CYFIP2: variants seen among roughly 807,000 people sequenced by gnomAD.
The protein encoded by CYFIP2 is cytoplasmic FMR1-interacting protein 2.
CYFIP2 carries 29 observed loss-of-function variants against 158.7 expected under a neutral mutation model. The ratio of observed to expected loss-of-function variants is 0.18; its 90% CI spans 0.14 to 0.25. CYFIP2 has a LOEUF of 0.25. Ranked by LOEUF, CYFIP2 falls within the 10% of genes least tolerant of loss-of-function variation. The pLI is 1.00. For synonymous variants in CYFIP2, 585 were observed against 617.6 expected, an observed-to-expected ratio of 0.95 and a Z score of 0.78; for missense variants, 852 against 1,639.5, an observed-to-expected ratio of 0.52 and a Z score of 8.29.
chr5:157,267,998 G>A (rs1293564502), intron 1 of CYFIP2, among the ~76,000 whole-genome samples: 1 of 152,236 alleles, frequency 6.6e-6, no homozygotes, highest in East Asian at 1.9e-4. Flanking sequence ...TCACCAGAAG[G>A]CATTTTTTGA....
At chr5:157,312,010 C>T (rs942930266) in intron 11 of CYFIP2, among the ~76,000 whole-genome samples, 2 of 152,194 alleles carry the variant, frequency 1.3e-5, no homozygotes, top group Admixed American at 1.3e-4. Flanking sequence ...TCAATTTCCT[C>T]ATCTGTGAAA....
At chr5:157,305,267 C>T (rs1378789245) in intron 8 of CYFIP2, among the ~76,000 whole-genome samples, 4 of 152,144 alleles carry the variant, frequency 2.6e-5, no homozygotes, top group Admixed American at 6.5e-5. Flanking sequence ...GGTAGACACC[C>T]GGTAGTAGGA....
intron 2 of CYFIP2, 62 bp downstream of exon 2, chr5:157,285,540 T>C (rs78461959): frequency 0.019 from 28,089 of 1,460,024 alleles, 337 homozygotes; most frequent in Non-Finnish European, 0.024. Context: ...CTAAGAGAGT[T>C]TGCCCTAAGG....
intron 21 of CYFIP2, among the ~76,000 whole-genome samples, chr5:157,338,669 A>G (rs1762029967): frequency 6.6e-6 from 1 of 152,266 alleles, no homozygotes. Flanking sequence ...TCAACCTAAT[A>G]GTAAACCCTT....
chr5:157,293,009 G>GATAT (rs869268205), intron 3 of CYFIP2, among the ~76,000 whole-genome samples: 1 of 144,590 alleles, frequency 6.9e-6, no homozygotes. Flanking sequence ...TTTGAGCCCA[G>GATAT]ATATGTATGT....
At chr5:157,370,555 G>A (rs1393082336) in intron 26 of CYFIP2, among the ~76,000 whole-genome samples, 1 of 152,166 alleles carries the variant, frequency 6.6e-6, no homozygotes, top group African/African-American at 2.4e-5. Flanking sequence ...TAAATATTAG[G>A]TGCTAACATG....
At chr5:157,378,740 C>A (rs541198641) in intron 26 of CYFIP2, among the ~76,000 whole-genome samples, 1 of 152,248 alleles carries the variant, frequency 6.6e-6, no homozygotes, top group South Asian at 2.1e-4. Flanking sequence ...TGTCCAGAAG[C>A]ATAAAGCAGG....
At chr5:157,283,642 G>C (rs1383334638) in intron 1 of CYFIP2, among the ~76,000 whole-genome samples, 6 of 152,166 alleles carry the variant, frequency 3.9e-5, no homozygotes, top group African/African-American at 1.4e-4. Flanking sequence ...AGCATTTGCT[G>C]TTGTCATGGT....
At chr5:157,332,124 T>C (rs561459785) in intron 20 of CYFIP2, among the ~76,000 whole-genome samples, 1 of 152,234 alleles carries the variant, frequency 6.6e-6, no homozygotes, top group South Asian at 2.1e-4. Context: ...AGGGCTAAAT[T>C]TGGGATGTCA....
intron 3 of CYFIP2, among the ~76,000 whole-genome samples, chr5:157,291,132 A>G (rs1757785692): frequency 6.6e-6 from 1 of 152,216 alleles, no homozygotes; most frequent in Non-Finnish European, 1.5e-5. Context: ...GTTTAAAAAC[A>G]CCAGTGCCCC....
rs1389892724 is a variant in CYFIP2 at position 157,298,652 on chromosome 5, C to G, written c.387+1878C>G. Reference sequence around the variant, plus strand: ...TGAGCCACCACACCCGGCCCACAATCAATTTTAGAACATCTTCATTACCCC... The same window carrying G: ...TGAGCCACCACACCCGGCCCACAATGAATTTTAGAACATCTTCATTACCCC... On this transcript the variant is annotated intron_variant, in intron 5 of 30. Coordinates refer to ENST00000620254, the MANE Select transcript of CYFIP2 (RefSeq NM_001037333.3). Among the ~76,000 whole-genome samples, 4 of 151,980 alleles carry G rather than the reference C, an allele frequency of 2.6e-5. No homozygotes were observed. In the East Asian group the frequency reaches 7.7e-4, roughly 29 times the overall value.
intron 28 of CYFIP2, among the ~76,000 whole-genome samples, chr5:157,383,949 C>G (rs1449843901): frequency 2.0e-5 from 3 of 152,138 alleles, no homozygotes; most frequent in African/African-American, 7.2e-5. Context: ...CACTACAGTT[C>G]ATGCAGGATG....
Position 157,278,463 on chromosome 5 carries a change from G to T in CYFIP2, c.-23-6876G>T, listed in dbSNP as rs1756733946. ...AACCAGGTGTGGTCTAGAAGAAAAG[G>T]CATAGAATTGGGAGTCAAGGTATCC... On this transcript the variant is annotated intron_variant, in intron 1 of 30. Transcript: ENST00000620254. Among the ~76,000 whole-genome samples the T allele has an allele frequency of 3.3e-5, 5 of 152,270 alleles. 1 individual carries two copies. The South Asian group carries it at 1.0e-3, about 32-fold the overall frequency.
intron 15 of CYFIP2, among the ~76,000 whole-genome samples, chr5:157,321,629 G>A (rs1418107005): frequency 1.3e-5 from 2 of 152,182 alleles, no homozygotes; most frequent in East Asian, 3.8e-4. Context: ...GGTCTCACAG[G>A]CCTCACTTCC....
At chr5:157,278,103 T>G (rs1756706425) in intron 1 of CYFIP2, among the ~76,000 whole-genome samples, 1 of 152,052 alleles carries the variant, frequency 6.6e-6, no homozygotes, top group East Asian at 1.9e-4. Flanking sequence ...GACTGTAAAT[T>G]TTTTTAATAG....
chr5:157,301,627 G>C (rs1758755474), intron 6 of CYFIP2, among the ~76,000 whole-genome samples: 1 of 152,140 alleles, frequency 6.6e-6, no homozygotes, highest in African/African-American at 2.4e-5. Context: ...GTCTCTGCCA[G>C]CTCTTAAGAA....
At chr5:157,338,643 A>G (rs1561742386) in intron 21 of CYFIP2, among the ~76,000 whole-genome samples, 1 of 152,270 alleles carries the variant, frequency 6.6e-6, no homozygotes, top group Non-Finnish European at 1.5e-5. Context: ...CTAAAAAACA[A>G]GTAACGTCAT....
intron 2 of CYFIP2, among the ~76,000 whole-genome samples, chr5:157,286,580 T>A (rs1022588886): frequency 1.1e-3 from 159 of 139,982 alleles, no homozygotes; most frequent in African/African-American, 4.3e-3. Flanking sequence ...ATATATATAT[T>A]TAGCCTTTCA....
intron 20 of CYFIP2, among the ~76,000 whole-genome samples, chr5:157,332,687 A>G (rs1212584046): frequency 6.6e-6 from 1 of 152,234 alleles, no homozygotes; most frequent in African/African-American, 2.4e-5. Flanking sequence ...TCTGTCGCTC[A>G]GGCTGGAGTG....
Sources: gnomAD v4.1 joint callset for allele counts (sites outside exome capture counted in the v4.1 genomes callset) on GRCh38, gnomAD v4.1.1 for gene constraint, MANE v1.5 for transcripts, NCBI Gene and HGNC (gene_info 2026-07-23, HGNC 2026-07-21) for gene names.